The following DYNLT4 variants were observed in gnomAD, a reference collection of about 807,000 sequenced individuals.
DYNLT4 encodes dynein light chain Tctex-type 4.
In DYNLT4, 3 loss-of-function variants were observed where a neutral mutation model predicts 1.5. The observed-to-expected ratio is 1.97, with a 90% CI of 0.90 to 5.08. The LOEUF is 5.08. Ranked by LOEUF, DYNLT4 falls within the 30% of genes most tolerant of loss-of-function variation. The pLI, the probability that DYNLT4 is intolerant of heterozygous loss-of-function variation, is 0.02. For missense variants in DYNLT4, 346 were observed against 341.0 expected, an observed-to-expected ratio of 1.01 and a Z score of -0.12; for synonymous variants, 181 against 160.0, an observed-to-expected ratio of 1.13 and a Z score of -0.99.
At position 44,806,111 on chromosome 1, in the gene DYNLT4, C is replaced by A; in HGVS notation, c.558G>T (p.Val186=). ...CCACGTCCCAGAGCGCACGGCTGAC[C>A]ACGTGAACGCCCTGGCCCGCGCGCG... The part of the protein sequence containing the change: ...LGPRAGQGVH[V]VSRALWDVAR... The change falls in exon 3 of 3, where the codon GTG becomes GTT. Residue 186 remains valine (V), a synonymous_variant. Coordinates refer to ENST00000339355, the MANE Select transcript of DYNLT4 (RefSeq NM_001377534.1). 6.2e-7 allele frequency: 1 copy of A among 1,607,542 alleles called. No individual in the cohort carries two copies. Among genetic ancestry groups the A allele is most frequent in the South Asian group, 1.1e-5 (1 of 90,390 alleles).
Position 44,806,417 on chromosome 1 carries a change from C to T in DYNLT4, c.252G>A (p.Val84=). 1.3e-6 allele frequency: 2 copies of T among 1,516,496 alleles called. No individual in the cohort carries two copies. Among genetic ancestry groups the T allele is most frequent in the Non-Finnish European group, 1.8e-6 (2 of 1,138,716 alleles). 93.9% of individuals were successfully genotyped at this position (1,516,496 alleles called of 1,614,324 possible). ...PGGQRPSLGP[V]PPLGSRVSFS... ...AGCTGACCCTTGAGCCCAGAGGGGGCACCGGGCCCAGGGATGGCCGCTGAC... is the reference window on the plus strand; with the variant it reads ...AGCTGACCCTTGAGCCCAGAGGGGGTACCGGGCCCAGGGATGGCCGCTGAC... The change falls in exon 3 of 3, where the codon GTG becomes GTA. Residue 84 remains valine (V), a synonymous_variant. Coordinates refer to ENST00000339355, the MANE Select transcript of DYNLT4 (RefSeq NM_001377534.1).
Position 44,806,520 on chromosome 1 carries a change from C to T in DYNLT4, c.149G>A (p.Arg50His). The change falls in exon 3 of 3, where the codon CGC becomes CAC. Residue 50 changes from arginine to histidine, a missense_variant. Physicochemically the swap from Arg to His is conservative, Grantham distance 29 (BLOSUM62 0). Transcript: ENST00000339355. ...GGCCAGGCCCAGCATGGAGCCCCGGCGCGAGGCCGGGGCTGGACCTGGACC... is the reference window on the plus strand; with the variant it reads ...GGCCAGGCCCAGCATGGAGCCCCGGTGCGAGGCCGGGGCTGGACCTGGACC... ...PAGPGPAPAS[R>H]RGSMLGLAAS... The T allele has an allele frequency of 6.0e-6, 9 of 1,496,942 alleles. No homozygotes were observed. Among genetic ancestry groups the T allele is most frequent in the East Asian group, 5.2e-5 (2 of 38,628 alleles). 92.7% of individuals were successfully genotyped at this position (1,496,942 alleles called of 1,614,324 possible). A position where few individuals can be genotyped will look rare whatever the true frequency, so the allele number is the denominator to read the frequency against.
Position 44,806,257 on chromosome 1 carries a change from C to G in DYNLT4, c.412G>C (p.Ala138Pro). ...EAALAAGLHD[A>P]CYSSDEAARL... ...GCGGCCTCGTCGCTGGAGTAGCACG[C>G]GTCGTGCAGCCCTGCGGCCAGCGCC... Residue 138 changes from alanine to proline, a missense_variant, in exon 3 of 3, where the codon GCG becomes CCG. Coordinates refer to ENST00000339355, the MANE Select transcript of DYNLT4 (RefSeq NM_001377534.1). 2 of 1,517,620 alleles carry G rather than the reference C, an allele frequency of 1.3e-6. No individual in the cohort carries two copies. Among genetic ancestry groups the G allele is most frequent in the South Asian group, 2.4e-5 (2 of 82,252 alleles). 94.0% of individuals were successfully genotyped at this position (1,517,620 alleles called of 1,614,324 possible).
In DYNLT4 at chr1:44,806,293, C is replaced by A; in HGVS notation, c.376G>T (p.Ala126Ser). 1 of 1,478,954 alleles carries A rather than the reference C, an allele frequency of 6.8e-7. No individual in the cohort carries two copies. The highest frequency in any genetic ancestry group is 1.3e-5 in the South Asian group (1 of 76,082). The allele number at this position is 1,478,954 out of a possible 1,614,324, so 91.6% of individuals were successfully genotyped here. The stretch of plus-strand genomic sequence containing the variant: ...CCTGCGGCCAGCGCCGCCTCCAGGG[C>A]ACGCTGTGCACGCGCAGCCTCCCAG... ...ERWEAARAQR[A>S]LEAALAAGLH... The change falls in exon 3 of 3, where the codon GCC (alanine) becomes TCC (serine). Residue 126 changes from alanine to serine, a missense_variant. Physicochemically the swap from Ala to Ser is moderately conservative, Grantham distance 99. Transcript: ENST00000339355.
Position 44,806,306 on chromosome 1 carries a change from C to T in DYNLT4, c.363G>A (p.Ala121=), listed in dbSNP as rs1265489836. 2.7e-6 allele frequency: 4 copies of T among 1,480,746 alleles called. No homozygotes were observed. The highest frequency in any genetic ancestry group is 4.9e-5 in the Admixed American group (2 of 40,854). 91.7% of individuals were successfully genotyped at this position (1,480,746 alleles called of 1,614,324 possible). ...EPVPGERWEA[A]RAQRALEAAL... ...CCGCCTCCAGGGCACGCTGTGCACG[C>T]GCAGCCTCCCAGCGCTCCCCGGGCA... The change falls in exon 3 of 3, where the codon GCG becomes GCA. Residue 121 remains alanine, a synonymous_variant. Coordinates refer to ENST00000339355, the MANE Select transcript of DYNLT4 (RefSeq NM_001377534.1).
intron 1 of DYNLT4, 118 bp from the exon 2 acceptor site, chr1:44,806,956 A>G (rs1270750226): frequency 2.0e-6 from 2 of 985,260 alleles, no homozygotes; most frequent in East Asian, 1.1e-4. Context: ...GAAGTTAGCC[A>G]GGTACGCTCG....
In DYNLT4 at chr1:44,806,516, C is replaced by G. The variant is rs112786830; in HGVS notation, c.153G>C (p.Arg51=). ...ACGCGGCCAGGCCCAGCATGGAGCC[C>G]CGGCGCGAGGCCGGGGCTGGACCTG... ...AGPGPAPASR[R]GSMLGLAASF... Residue 51 remains arginine, a synonymous_variant, in exon 3 of 3, where the codon CGG becomes CGC. Coordinates refer to ENST00000339355, the MANE Select transcript of DYNLT4 (RefSeq NM_001377534.1). The G allele has an allele frequency of 6.7e-7, 1 of 1,498,894 alleles. No homozygotes were observed. The highest frequency in any genetic ancestry group is 8.8e-7 in the Non-Finnish European group (1 of 1,131,790). The allele number at this position is 1,498,894 out of a possible 1,614,324, so 92.8% of individuals were successfully genotyped here.
In DYNLT4 at chr1:44,806,085, G is replaced by T. The variant is rs772738503; in HGVS notation, c.584C>A (p.Ala195Glu). The T allele has an allele frequency of 6.2e-7, 1 of 1,605,984 alleles. No homozygotes were observed. Among genetic ancestry groups the T allele is most frequent in the Non-Finnish European group, 8.5e-7 (1 of 1,176,084 alleles). ...GGAGACCGAGGCCAGCCCATCGCGC[G>T]CCACGTCCCAGAGCGCACGGCTGAC... ...HVVSRALWDV[A>E]RDGLASVSYT... The change falls in exon 3 of 3, where the codon GCG (alanine) becomes GAG (glutamate). Residue 195 changes from alanine to glutamate, a missense_variant. Physicochemically the swap from Ala to Glu is moderately radical, Grantham distance 107 (BLOSUM62 -1). Coordinates refer to ENST00000339355, the MANE Select transcript of DYNLT4 (RefSeq NM_001377534.1).
Position 44,806,021 on chromosome 1 carries a change from G to A in DYNLT4, c.648C>T (p.His216=), listed in dbSNP as rs1201193099. ...NTSLFAVATV[H]GLYCE is the part of the protein sequence containing the mutation. ...CTCCCCCTCACTCGCAGTAGAGCCC[G>A]TGGACCGTGGCCACCGCGAAGAGCG... is the stretch of plus-strand genomic sequence containing the variant. The change falls in exon 3 of 3, where the codon CAC becomes CAT. Residue 216 remains histidine (H), a synonymous_variant. Coordinates refer to ENST00000339355, the MANE Select transcript of DYNLT4 (RefSeq NM_001377534.1). 6.4e-7 allele frequency: 1 copy of A among 1,565,344 alleles called. No homozygotes were observed. The highest frequency in any genetic ancestry group is 2.3e-5 in the East Asian group (1 of 44,182).
chr1:44,807,036 G>A, intron 1 of DYNLT4, 198 bp from the exon 2 acceptor site: 1 of 985,384 alleles, frequency 1.0e-6, no homozygotes, highest in Non-Finnish European at 1.2e-6. Context: ...CTCTGCCTCA[G>A]CCTGGACTGT....
chr1:44,806,088 A>G lies in DYNLT4; in HGVS notation c.581T>C (p.Val194Ala). Reference protein sequence around the residue: ...VHVVSRALWDVARDGLASVSY... With the variant: ...VHVVSRALWDAARDGLASVSY... ...GACCGAGGCCAGCCCATCGCGCGCC[A>G]CGTCCCAGAGCGCACGGCTGACCAC... is the stretch of plus-strand genomic sequence containing the variant. The change falls in exon 3 of 3, where the codon GTG (valine) becomes GCG (alanine). Residue 194 changes from valine (V) to alanine (A), a missense_variant. By Grantham distance (64) the Val-to-Ala change is moderately conservative (BLOSUM62 0). Transcript: ENST00000339355. 1 of 1,607,142 alleles carries G rather than the reference A, an allele frequency of 6.2e-7. No individual in the cohort carries two copies. The highest frequency in any genetic ancestry group is 8.5e-7 in the Non-Finnish European group (1 of 1,176,762).
In DYNLT4 at chr1:44,806,317, A is replaced by T. The variant is rs1448912441; in HGVS notation, c.352T>A (p.Trp118Arg). 6.7e-7 allele frequency: 1 copy of T among 1,485,504 alleles called. No homozygotes were observed. The highest frequency in any genetic ancestry group is 2.4e-5 in the Admixed American group (1 of 41,042). The allele number at this position is 1,485,504 out of a possible 1,614,324, so 92.0% of individuals were successfully genotyped here. A position where few individuals can be genotyped will look rare whatever the true frequency, so the allele number is the denominator to read the frequency against. ...GCACGCTGTGCACGCGCAGCCTCCC[A>T]GCGCTCCCCGGGCACTGGCTCCGTG... ...YRTEPVPGER[W>R]EAARAQRALE... Residue 118 changes from tryptophan (W) to arginine (R), a missense_variant, in exon 3 of 3, where the codon TGG (tryptophan) becomes AGG (arginine). Physicochemically the swap from Trp to Arg is moderately radical, Grantham distance 101. Coordinates refer to ENST00000339355, the MANE Select transcript of DYNLT4 (RefSeq NM_001377534.1).
Position 44,806,867 on chromosome 1 carries a change from T to G in DYNLT4, c.-66-29A>C. 7 of 985,414 alleles carry G rather than the reference T, an allele frequency of 7.1e-6. No individual in the cohort carries two copies. In the South Asian group the frequency reaches 2.8e-4, roughly 40 times the overall value. The allele number at this position is 985,414 out of a possible 1,614,324, so 61.0% of individuals were successfully genotyped here. A position where few individuals can be genotyped will look rare whatever the true frequency, so the allele number is the denominator to read the frequency against. ...AGAAGGTTAAAGGCTGTTAGACACA[T>G]GAGCAGGGGACAGGAGGCTGCTAGG... On this transcript the variant is annotated intron_variant, in intron 1 of 2. Transcript: ENST00000339355.
Position 44,806,891 on chromosome 1 carries a change from G to A in DYNLT4, c.-66-53C>T. ...ATGAGCAGGGGACAGGAGGCTGCTAGGACTGGGATCCTCGGCTAGTCCTTG... is the reference window on the plus strand; with the variant it reads ...ATGAGCAGGGGACAGGAGGCTGCTAAGACTGGGATCCTCGGCTAGTCCTTG... On this transcript the variant is annotated intron_variant, in intron 1 of 2. Transcript: ENST00000339355. 6.1e-6 allele frequency: 6 copies of A among 985,440 alleles called. 1 individual carries two copies. The South Asian group carries it at 2.8e-4, about 46-fold the overall frequency. 61.0% of individuals were successfully genotyped at this position (985,440 alleles called of 1,614,324 possible).
At position 44,806,528 on chromosome 1, in the gene DYNLT4, C is replaced by G. The variant is rs566193059; in HGVS notation, c.141G>C (p.Pro47=). Reference sequence around the variant, plus strand: ...CCAGCATGGAGCCCCGGCGCGAGGCCGGGGCTGGACCTGGACCTGCCGGTC... The same window carrying G: ...CCAGCATGGAGCCCCGGCGCGAGGCGGGGGCTGGACCTGGACCTGCCGGTC... The part of the protein sequence containing the change: ...EARPAGPGPA[P]ASRRGSMLGL... Residue 47 remains proline (P), a synonymous_variant, in exon 3 of 3, where the codon CCG becomes CCC. Transcript: ENST00000339355. The G allele has an allele frequency of 1.3e-6, 2 of 1,494,312 alleles. No individual in the cohort carries two copies. Among genetic ancestry groups the G allele is most frequent in the Non-Finnish European group, 1.8e-6 (2 of 1,129,322 alleles). The allele number at this position is 1,494,312 out of a possible 1,614,324, so 92.6% of individuals were successfully genotyped here. A position where few individuals can be genotyped will look rare whatever the true frequency, so the allele number is the denominator to read the frequency against.
In DYNLT4 at chr1:44,806,818, G is replaced by A. The variant is rs1652129201; in HGVS notation, c.-46C>T. The A allele has an allele frequency of 6.0e-6, 8 of 1,331,702 alleles. No homozygotes were observed. The highest frequency in any genetic ancestry group is 5.7e-6 in the Non-Finnish European group (6 of 1,047,172). 82.5% of individuals were successfully genotyped at this position (1,331,702 alleles called of 1,614,324 possible). On this transcript the variant is annotated 5_prime_UTR_variant, in exon 2 of 3. Coordinates refer to ENST00000339355, the MANE Select transcript of DYNLT4 (RefSeq NM_001377534.1). ...AGAACAAGTGGATCAGATAGTCCCAGGCTGCCTGGGTTCCTAGGTGCTGAG... is the reference window on the plus strand; with the variant it reads ...AGAACAAGTGGATCAGATAGTCCCAAGCTGCCTGGGTTCCTAGGTGCTGAG...
At chr1:44,807,183 G>T (rs1245910582) in intron 1 of DYNLT4, 142 bp downstream of exon 1, 2 of 974,768 alleles carry the variant, frequency 2.1e-6, no homozygotes, top group Non-Finnish European at 2.4e-6. Flanking sequence ...CTGGCACAAA[G>T]ATCTCCCCTA....
At position 44,806,577 on chromosome 1, in the gene DYNLT4, C is replaced by G. The variant is rs868683050; in HGVS notation, c.92G>C (p.Cys31Ser). ...RKPSPVRPRG[C>S]LPSIDEARPA... is the part of the protein sequence containing the mutation. ...TCGGGCCTCATCAATGCTGGGCAGG[C>G]AGCCTCGGGGCCGCACCGGTGAGGG... is the stretch of plus-strand genomic sequence containing the variant. Residue 31 changes from cysteine to serine, a missense_variant, in exon 3 of 3, where the codon TGC (cysteine) becomes TCC (serine). Physicochemically the swap from Cys to Ser is moderately radical, Grantham distance 112. Transcript: ENST00000339355. 1.3e-6 allele frequency: 2 copies of G among 1,500,084 alleles called. No individual in the cohort carries two copies. Among genetic ancestry groups the G allele is most frequent in the South Asian group, 2.5e-5 (2 of 79,088 alleles). The allele number at this position is 1,500,084 out of a possible 1,614,324, so 92.9% of individuals were successfully genotyped here.
Position 44,806,072 on chromosome 1 carries a change from C to T in DYNLT4, c.597G>A (p.Leu199=). The change falls in exon 3 of 3, where the codon CTG becomes CTA. Residue 199 remains leucine, a synonymous_variant. Transcript: ENST00000339355. ...AGGTGTTGGTGTAGGAGACCGAGGC[C>T]AGCCCATCGCGCGCCACGTCCCAGA... The part of the protein sequence containing the change: ...RALWDVARDG[L]ASVSYTNTSL... 4 of 1,604,084 alleles carry T rather than the reference C, an allele frequency of 2.5e-6. No individual in the cohort carries two copies. The highest frequency in any genetic ancestry group is 3.4e-6 in the Non-Finnish European group (4 of 1,174,898).
Sources: gnomAD v4.1 joint callset for allele counts on GRCh38, gnomAD v4.1.1 for gene constraint, MANE v1.5 for transcripts, NCBI Gene and HGNC (gene_info 2026-07-23, HGNC 2026-07-21) for gene names.